The following KIF26B variants were observed in gnomAD, a reference collection of about 807,000 sequenced individuals.
The protein encoded by KIF26B is kinesin-like protein KIF26B.
A neutral mutation model predicts 151.2 loss-of-function variants in KIF26B; 63 were observed. That is an observed-to-expected ratio of 0.42 (90% CI 0.34 to 0.51). The LOEUF (loss-of-function observed/expected upper bound fraction) is 0.51, where lower values mean the gene tolerates loss of function less well. Ranked by LOEUF, KIF26B falls within the 20% of genes least tolerant of loss-of-function variation. The probability of loss-of-function intolerance (pLI) is 0.07; values close to 1 mark genes in which losing one functional copy is unlikely to be tolerated. For synonymous variants in KIF26B, 1,357 were observed against 1,262.1 expected, an observed-to-expected ratio of 1.08 and a Z score of -1.59; for missense variants, 2,813 against 2,913.6, an observed-to-expected ratio of 0.97 and a Z score of 0.79.
At chr1:245,427,118 A>G (rs1283326863) in intron 4 of KIF26B, among the ~76,000 whole-genome samples, 1 of 152,208 alleles carries the variant, frequency 6.6e-6, no homozygotes, top group Admixed American at 6.5e-5. Flanking sequence ...ATATTACCAG[A>G]GAAAAACTAC....
At chr1:245,162,737 T>G (rs911804352) in intron 2 of KIF26B, among the ~76,000 whole-genome samples, 1 of 152,204 alleles carries the variant, frequency 6.6e-6, no homozygotes, top group Non-Finnish European at 1.5e-5. Flanking sequence ...CCTAATGTAC[T>G]TTTGAAATAT....
At position 245,707,707 on chromosome 1, in the gene KIF26B, C is replaced by G. The variant is rs558444128; in HGVS notation, c.*5101C>G. 2 of 152,270 alleles carry G rather than the reference C, an allele frequency of 1.3e-5. No homozygotes were observed. Among genetic ancestry groups the G allele is most frequent in the East Asian group, 3.9e-4 (2 of 5,172 alleles). 9.4% of individuals were successfully genotyped at this position (152,270 alleles called of 1,614,324 possible). On this transcript the variant is annotated 3_prime_UTR_variant, in exon 15 of 15. Transcript: ENST00000407071. The stretch of plus-strand genomic sequence containing the variant: ...GGATTAGGGTCCAATCCTCAATGCA[C>G]AGGGCTTAGTTCAAAATCTAAGCTG...
At chr1:245,163,966 A>G (rs1311102691) in intron 2 of KIF26B, among the ~76,000 whole-genome samples, 1 of 152,108 alleles carries the variant, frequency 6.6e-6, no homozygotes, top group Admixed American at 6.5e-5. Context: ...TGCTATTTTT[A>G]TGCCTCTAAG....
chr1:245,404,093 A>T (rs114153808), intron 3 of KIF26B, among the ~76,000 whole-genome samples: 1 of 152,298 alleles, frequency 6.6e-6, no homozygotes, highest in Non-Finnish European at 1.5e-5. Flanking sequence ...GTGCGGTGGA[A>T]TCATAGTTGA....
chr1:245,502,925 G>A (rs924772030), intron 4 of KIF26B, among the ~76,000 whole-genome samples: 63 of 151,290 alleles, frequency 4.2e-4, no homozygotes, highest in African/African-American at 1.3e-3. Flanking sequence ...GCAATGGCGC[G>A]ATCTCAGCTC....
At chr1:245,522,994 C>T (rs1661162081) in intron 4 of KIF26B, among the ~76,000 whole-genome samples, 1 of 152,166 alleles carries the variant, frequency 6.6e-6, no homozygotes, top group African/African-American at 2.4e-5. Flanking sequence ...GTTTACTCTG[C>T]GTCAGGAACT....
At chr1:245,637,322 A>T (rs1023348284) in intron 9 of KIF26B, among the ~76,000 whole-genome samples, 1 of 152,162 alleles carries the variant, frequency 6.6e-6, no homozygotes, top group Admixed American at 6.5e-5. Flanking sequence ...CTTCTGATAA[A>T]TGTCTATTCA....
chr1:245,514,605 A>C (rs1237026802), intron 4 of KIF26B, among the ~76,000 whole-genome samples: 1 of 152,154 alleles, frequency 6.6e-6, no homozygotes, highest in Non-Finnish European at 1.5e-5. Flanking sequence ...AGAAAATTAA[A>C]ATAAATTTGG....
rs80198315 is a variant in KIF26B, at chr1:245,580,175, G to A, written c.1351-22402G>A. 9.6e-4 allele frequency among the ~76,000 whole-genome samples: 146 copies of A among 152,272 alleles called. 1 individual carries two copies. In the East Asian group the frequency reaches 0.024, roughly 25 times the overall value. ...GCAAAACAATGCTGCGTCATAACAC[G>A]CTAAAACCCCCAATGTGCCCACCCA... On this transcript the variant is annotated intron_variant, in intron 5 of 14. Transcript: ENST00000407071.
intron 10 of KIF26B, among the ~76,000 whole-genome samples, chr1:245,674,845 G>A (rs1488040376): frequency 6.6e-6 from 1 of 152,136 alleles, no homozygotes; most frequent in African/African-American, 2.4e-5. Flanking sequence ...CAAACATGGA[G>A]AGCACGGCCC....
intron 4 of KIF26B, among the ~76,000 whole-genome samples, chr1:245,486,948 T>C (rs188469879): frequency 2.0e-5 from 3 of 152,350 alleles, no homozygotes; most frequent in Non-Finnish European, 1.5e-5. Flanking sequence ...ACTAAACTTT[T>C]GCAGAGCTTC....
At chr1:245,694,338 G>A (rs894978188) in intron 12 of KIF26B, among the ~76,000 whole-genome samples, 12 of 152,134 alleles carry the variant, frequency 7.9e-5, no homozygotes, top group South Asian at 2.1e-4. Context: ...TTAGTGCCTC[G>A]TGCTTTTTTG....
intron 5 of KIF26B, among the ~76,000 whole-genome samples, chr1:245,548,744 A>AATT (rs1186893231): frequency 9.2e-6 from 1 of 108,570 alleles, no homozygotes; most frequent in African/African-American, 3.2e-5. Context: ...CCATTTTGCA[A>AATT]CTTTTTTTTT....
At chr1:245,441,067 C>T (rs746206265) in intron 4 of KIF26B, among the ~76,000 whole-genome samples, 4 of 152,162 alleles carry the variant, frequency 2.6e-5, no homozygotes, top group Non-Finnish European at 5.9e-5. Flanking sequence ...GACGGCCTGG[C>T]GTTCTCTCCT....
intron 2 of KIF26B, among the ~76,000 whole-genome samples, chr1:245,161,316 G>C (rs942394712): frequency 1.3e-5 from 2 of 152,174 alleles, no homozygotes; most frequent in Admixed American, 1.3e-4. Context: ...TATTAATTGT[G>C]AAGCAACATG....
chr1:245,337,713 A>AAC (rs968760492), intron 2 of KIF26B, among the ~76,000 whole-genome samples: 1 of 152,198 alleles, frequency 6.6e-6, no homozygotes, highest in East Asian at 1.9e-4. Context: ...TGCACACACA[A>AAC]ACACACACAC....
chr1:245,652,449 T>G (rs1303738554), intron 10 of KIF26B, among the ~76,000 whole-genome samples: 3 of 152,180 alleles, frequency 2.0e-5, no homozygotes, highest in African/African-American at 7.2e-5. Context: ...TTCTATGAGA[T>G]TTTTAGCATT....
chr1:245,651,543 CT>C (rs1207035005), intron 10 of KIF26B, among the ~76,000 whole-genome samples: 1 of 152,152 alleles, frequency 6.6e-6, no homozygotes, highest in Non-Finnish European at 1.5e-5. Context: ...GTCTGGGAAG[CT>C]GGGGAAAGGG....
chr1:245,246,735 A>G (rs1416836551), intron 2 of KIF26B, among the ~76,000 whole-genome samples: 1 of 152,190 alleles, frequency 6.6e-6, no homozygotes, highest in South Asian at 2.1e-4. Flanking sequence ...TCATCCTAAG[A>G]CAAAAATCTG....
Sources: gnomAD v4.1 joint callset for allele counts (sites outside exome capture counted in the v4.1 genomes callset) on GRCh38, gnomAD v4.1.1 for gene constraint, MANE v1.5 for transcripts, NCBI Gene and HGNC (gene_info 2026-07-23, HGNC 2026-07-21) for gene names.